The following CIT variants were observed in gnomAD, a reference collection of about 807,000 sequenced individuals.
The protein encoded by CIT is citron rho-interacting serine/threonine kinase, also known as citron Rho-interacting kinase.
Under a neutral mutation model 272.7 loss-of-function variants are expected in CIT, and 79 were observed. The ratio of observed to expected loss-of-function variants is 0.29; its 90% CI spans 0.24 to 0.35. The LOEUF (loss-of-function observed/expected upper bound fraction) is 0.35, where lower values mean the gene tolerates loss of function less well. Among genes scored for constraint, CIT ranks in the 10% least tolerant of loss-of-function variants. The probability of loss-of-function intolerance (pLI) is 1.00; values close to 1 mark genes in which losing one functional copy is unlikely to be tolerated. For synonymous variants in CIT, 948 were observed against 995.6 expected (o/e 0.95, Z 0.90); for missense variants, 1,909 against 2,618.3 (o/e 0.73, Z 5.91).
chr12:119,689,835 A>G (rs1426905979), intron 47 of CIT, among the ~76,000 whole-genome samples: 2 of 150,544 alleles, frequency 1.3e-5, no homozygotes, highest in Non-Finnish European at 3.0e-5. Context: ...CAGCCACCAC[A>G]CCCGGCTAAT....
At position 119,869,072 on chromosome 12, in the gene CIT, A is replaced by T. The variant is rs1950593751; in HGVS notation, c.226T>A (p.Phe76Ile). 1.2e-6 allele frequency: 2 copies of T among 1,610,342 alleles called. No individual in the cohort carries two copies. The highest frequency in any genetic ancestry group is 1.3e-5 in the African/African-American group (1 of 74,668). Reference protein sequence around the residue: ...ALMKIKHVSNFVRKYSDTIAE... With the variant: ...ALMKIKHVSNIVRKYSDTIAE... ...TCCCCAAACTTACACTTCCGGACAA[A>T]GTTGCTCACGTGCTTAATCTTCATC... Residue 76 changes from phenylalanine to isoleucine, a missense_variant, in exon 3 of 48, where the codon TTT becomes ATT. By Grantham distance (21) the Phe-to-Ile change is conservative (BLOSUM62 0). Around this residue, in one of 8 missense-constraint regions of CIT, gnomAD observed 529 missense variants for 549.6 expected, o/e 0.96. Coordinates refer to ENST00000392521, the MANE Select transcript of CIT (RefSeq NM_001206999.2).
chr12:119,735,673 T>C (rs566060151), intron 24 of CIT, among the ~76,000 whole-genome samples: 1 of 152,192 alleles, frequency 6.6e-6, no homozygotes, highest in African/African-American at 2.4e-5. Flanking sequence ...GGAAATAATA[T>C]AATGTGGAAA....
intron 4 of CIT, among the ~76,000 whole-genome samples, chr12:119,851,991 C>T (rs1158305358): frequency 6.6e-6 from 1 of 152,150 alleles, no homozygotes; most frequent in East Asian, 1.9e-4. Context: ...CAAGATCCCA[C>T]CACTGCACTC....
At chr12:119,811,801 T>G (rs1966849907) in intron 9 of CIT, among the ~76,000 whole-genome samples, 1 of 152,232 alleles carries the variant, frequency 6.6e-6, no homozygotes, top group South Asian at 2.1e-4. Context: ...GTCTAGGTAC[T>G]CAGCAATCTG....
chr12:119,726,384 A>ATT, intron 28 of CIT, among the ~76,000 whole-genome samples: 2 of 73,020 alleles, frequency 2.7e-5, no homozygotes, highest in Admixed American at 1.7e-4. Context: ...ACACTTGGCT[A>ATT]ATTTTTTTTT....
At chr12:119,771,345 G>A (rs1205549280) in intron 17 of CIT, among the ~76,000 whole-genome samples, 4 of 152,150 alleles carry the variant, frequency 2.6e-5, no homozygotes, top group Non-Finnish European at 4.4e-5. Flanking sequence ...TCAGAGAGGC[G>A]TGAGCTCTGG....
At chr12:119,849,414 G>A (rs775397617) in intron 5 of CIT, among the ~76,000 whole-genome samples, 7 of 151,988 alleles carry the variant, frequency 4.6e-5, no homozygotes, top group Admixed American at 2.0e-4. Flanking sequence ...GTGACAAAGC[G>A]AGACTCTGTC....
chr12:119,813,716 T>C (rs1966889702), intron 9 of CIT, among the ~76,000 whole-genome samples: 1 of 152,218 alleles, frequency 6.6e-6, no homozygotes, highest in African/African-American at 2.4e-5. Context: ...AGAATTGATT[T>C]ACCAAACTTG....
intron 26 of CIT, among the ~76,000 whole-genome samples, chr12:119,733,076 G>A (rs1958554857): frequency 6.6e-6 from 1 of 152,194 alleles, no homozygotes; most frequent in South Asian, 2.1e-4. Flanking sequence ...CATCTTTAAT[G>A]TGACCAGCAA....
chr12:119,784,504 T>G lies in CIT; in HGVS notation c.1402-453A>C. The G allele has an allele frequency of 8.4e-7, 1 of 1,186,972 alleles. No homozygotes were observed. Among genetic ancestry groups the G allele is most frequent in the Admixed American group, 3.9e-5 (1 of 25,694 alleles). 73.5% of individuals were successfully genotyped at this position (1,186,972 alleles called of 1,614,324 possible). A position where few individuals can be genotyped will look rare whatever the true frequency, so the allele number is the denominator to read the frequency against. On this transcript the variant is annotated intron_variant, in intron 11 of 47. Coordinates refer to ENST00000392521, the MANE Select transcript of CIT (RefSeq NM_001206999.2). This position sits in a 1 kb window ranked among gnomAD's most constrained non-coding sequence, Gnocchi z 4.7. Reference sequence around the variant, plus strand: ...GGAGTCCCAGGCAAGCAGTGACTTATTAGTTTCCAGAGCGTTGCCTCTGGG... The same window carrying G: ...GGAGTCCCAGGCAAGCAGTGACTTAGTAGTTTCCAGAGCGTTGCCTCTGGG...
chr12:119,858,179 G>A (rs1488007592), intron 3 of CIT, among the ~76,000 whole-genome samples: 2 of 152,082 alleles, frequency 1.3e-5, no homozygotes, highest in African/African-American at 4.8e-5. Context: ...TCCTTGGATT[G>A]TATCCATAAA....
intron 10 of CIT, among the ~76,000 whole-genome samples, chr12:119,794,922 C>A (rs1269913298): frequency 6.6e-6 from 1 of 152,208 alleles, no homozygotes; most frequent in African/African-American, 2.4e-5. Context: ...TTCCACTTTA[C>A]AGATGAGGGA....
chr12:119,795,618 T>C (rs1965669836), intron 10 of CIT, among the ~76,000 whole-genome samples: 1 of 152,160 alleles, frequency 6.6e-6, no homozygotes, highest in Non-Finnish European at 1.5e-5. Context: ...ATTAGACAAG[T>C]CCATAACTCC....
rs760474676 is a variant in CIT at position 119,718,402 on chromosome 12, G to A, written c.4011C>T (p.His1337=). The change falls in exon 32 of 48, where the codon CAC becomes CAT. Residue 1337 remains histidine, a synonymous_variant. Transcript: ENST00000392521. This position sits in a 1 kb window ranked among gnomAD's most constrained non-coding sequence, Gnocchi z 4.8. ...GGTGTGGGTGGTCCGTTGCTTTGCG[G>A]TGGGCAGCTGCAGAGAGACCAGGAC... The part of the protein sequence containing the change: ...ELRSAREEAA[H]RKATDHPHPS... The A allele has an allele frequency of 1.2e-6, 2 of 1,611,734 alleles. No individual in the cohort carries two copies. The highest frequency in any genetic ancestry group is 1.1e-5 in the South Asian group (1 of 90,722).
Position 119,785,086 on chromosome 12 carries a change from G to A in CIT, c.1296-21C>T, listed in dbSNP as rs199791446. ...CAGACCTAGGTAGAGAAAAACCAAC[G>A]TCAAGGGGGCCTGCAGGTGGGCCTA... On this transcript the variant is annotated intron_variant, in intron 10 of 47. Coordinates refer to ENST00000392521, the MANE Select transcript of CIT (RefSeq NM_001206999.2). The A allele has an allele frequency of 2.5e-5, 40 of 1,612,030 alleles. No individual in the cohort carries two copies. In the East Asian group the frequency reaches 5.3e-4, roughly 22 times the overall value.
rs1426973835 is a variant in CIT at position 119,834,153 on chromosome 12, TC to T, written c.591del (p.Ile198TyrfsTer5). The part of the protein sequence containing the change: ...NRYEDQLDEN[L>X]IQFYLAELIL... ...ATCAGCTCAGCTAGGTAAAACTGTA[TC>T]AGGTTTTCATCTAACTGGTCCTCAT... On this transcript the variant is annotated frameshift_variant, in exon 6 of 48. Transcript: ENST00000392521. LOFTEE classifies it high-confidence loss of function. The T allele has an allele frequency of 6.2e-7, 1 of 1,613,812 alleles. No individual in the cohort carries two copies. Among genetic ancestry groups the T allele is most frequent in the Non-Finnish European group, 8.5e-7 (1 of 1,179,840 alleles).
At chr12:119,781,322 A>T (rs1964270572) in intron 13 of CIT, among the ~76,000 whole-genome samples, 1 of 152,278 alleles carries the variant, frequency 6.6e-6, no homozygotes, top group Admixed American at 6.5e-5. Context: ...TAAAATATTC[A>T]GATGATAAAT....
rs2137197515 is a variant in CIT at position 119,728,133 on chromosome 12, A to T, written c.3591+369T>A. On this transcript the variant is annotated intron_variant, in intron 28 of 47. Transcript: ENST00000392521. This position sits in a 1 kb window ranked among gnomAD's most constrained non-coding sequence, Gnocchi z 4.3. ...GAGTTGAGGGTGGGGAGGGATGAAC[A>T]GGCAGAGTACAGAGGGTTTTTAGGG... 6.6e-6 allele frequency among the ~76,000 whole-genome samples: 1 copy of T among 152,310 alleles called. No individual in the cohort carries two copies. Among genetic ancestry groups the T allele is most frequent in the South Asian group, 2.1e-4 (1 of 4,820 alleles).
At chr12:119,769,020 G>A (rs1353619658) in intron 18 of CIT, among the ~76,000 whole-genome samples, 3 of 151,678 alleles carry the variant, frequency 2.0e-5, no homozygotes, top group African/African-American at 4.8e-5. Flanking sequence ...AGATACACTC[G>A]GACGAAGAAA....
Sources: allele counts gnomAD v4.1 joint callset (sites outside exome capture counted in the v4.1 genomes callset), GRCh38; gene constraint gnomAD v4.1.1; regional missense constraint gnomAD v4.1.1; non-coding constraint Gnocchi (gnomAD v3.1); transcripts MANE v1.5; gene names NCBI Gene and HGNC (gene_info 2026-07-23, HGNC 2026-07-21).